DMD: variants seen among roughly 807,000 people sequenced by gnomAD.
The protein encoded by DMD is mutant dystrophin.
Under a neutral mutation model 330.1 loss-of-function variants are expected in DMD, and 63 were observed. The observed-to-expected ratio is 0.19, with a 90% CI of 0.16 to 0.24. The LOEUF (loss-of-function observed/expected upper bound fraction) is 0.24. Ranked by LOEUF, DMD falls within the 10% of genes least tolerant of loss-of-function variation. DMD has a pLI of 1.00. For synonymous variants in DMD, 1,223 were observed against 959.8 expected (o/e 1.27, Z -5.07); for missense variants, 3,344 against 2,684.1 (o/e 1.25, Z -5.43).
chrX:32,487,346 T>C (rs1485175241), intron 20 of DMD, among the ~76,000 whole-genome samples: 1 of 111,352 alleles, frequency 9.0e-6, no homozygotes, highest in Non-Finnish European at 1.9e-5. Flanking sequence ...TTCATATATA[T>C]GCTGTCTTTA....
chrX:32,484,380 G>T (rs1354600554), intron 21 of DMD, among the ~76,000 whole-genome samples: 1 of 111,920 alleles, frequency 8.9e-6, no homozygotes, highest in African/African-American at 3.2e-5. Context: ...TTGCATAATT[G>T]CTCCACTTTT....
intron 47 of DMD, among the ~76,000 whole-genome samples, chrX:31,923,099 A>G (rs1396627366): frequency 4.5e-5 from 5 of 111,731 alleles, no homozygotes; most frequent in African/African-American, 1.6e-4. Flanking sequence ...TGAAAGAGGG[A>G]GCTATTAAAA....
At chrX:32,837,779 A>G (rs1213966578) in intron 4 of DMD, among the ~76,000 whole-genome samples, 2 of 112,024 alleles carry the variant, frequency 1.8e-5, no homozygotes, top group Non-Finnish European at 3.8e-5. Flanking sequence ...GAAAGACACC[A>G]TGTGGATCTA....
intron 11 of DMD, among the ~76,000 whole-genome samples, chrX:32,628,122 A>C (rs1343542211): frequency 9.2e-6 from 1 of 108,698 alleles, no homozygotes; most frequent in African/African-American, 3.4e-5. Flanking sequence ...CGTGCTATCA[A>C]ATACTACATC....
rs139353878 is a variant in DMD at position 32,462,314 on chromosome X, A to G, written c.3432+1125T>C. On this transcript the variant is annotated intron_variant, in intron 25 of 78. Transcript: ENST00000357033. ...TCTCTCTTCTTCTCCCTCTCAAAAT[A>G]TCTTATTTTACTGTGCTCACCGATT... is the stretch of plus-strand genomic sequence containing the variant. Among the ~76,000 whole-genome samples, 51 of 111,816 alleles carry G rather than the reference A, an allele frequency of 4.6e-4. 1 individual carries two copies. In the East Asian group the frequency reaches 0.013, roughly 28 times the overall value.
At chrX:31,848,239 A>G (rs922151518) in intron 48 of DMD, among the ~76,000 whole-genome samples, 1 of 112,014 alleles carries the variant, frequency 8.9e-6, no homozygotes, top group African/African-American at 3.2e-5. Flanking sequence ...ATAGCCTTGT[A>G]ATAGCTCTGA....
At position 31,497,473 on chromosome X, in the gene DMD, T is replaced by C. The variant is rs754138338; in HGVS notation, c.8391-529A>G. Among the ~76,000 whole-genome samples the C allele has an allele frequency of 7.2e-5, 8 of 111,794 alleles. No homozygotes were observed. In the East Asian group the frequency reaches 2.2e-3, roughly 31 times the overall value. On this transcript the variant is annotated intron_variant, in intron 56 of 78. Transcript: ENST00000357033. ...CGTCTCCTTTCCCCCTACCCTTCTT[T>C]ATTTGTGTGCACCTGGGATTTGTCT... is the stretch of plus-strand genomic sequence containing the variant.
intron 44 of DMD, among the ~76,000 whole-genome samples, chrX:32,048,307 T>A (rs965115750): frequency 1.9e-5 from 2 of 106,334 alleles, no homozygotes; most frequent in Non-Finnish European, 3.9e-5. Context: ...ACTGTGTTTT[T>A]TTTTTTCATC....
intron 62 of DMD, among the ~76,000 whole-genome samples, chrX:31,272,874 GATCA>G (rs2051770292): frequency 8.9e-6 from 1 of 111,928 alleles, no homozygotes; most frequent in Admixed American, 9.5e-5. Flanking sequence ...CACATTTTCT[GATCA>G]ATCTAGAAAT....
chrX:32,980,669 A>G (rs1370408793), intron 2 of DMD, among the ~76,000 whole-genome samples: 1 of 111,041 alleles, frequency 9.0e-6, no homozygotes, highest in African/African-American at 3.3e-5. Context: ...CCGAATCATA[A>G]TATTTTTCAT....
intron 61 of DMD, among the ~76,000 whole-genome samples, chrX:31,340,233 G>C (rs1201265484): frequency 3.6e-5 from 4 of 112,391 alleles, no homozygotes; most frequent in African/African-American, 1.3e-4. Flanking sequence ...TAATGGATCA[G>C]TTATTTCTTT....
intron 57 of DMD, among the ~76,000 whole-genome samples, chrX:31,495,188 G>C (rs144713548): frequency 1.1e-5 from 1 of 92,698 alleles, no homozygotes; most frequent in Non-Finnish European, 2.1e-5. Flanking sequence ...CTTCTTTCAT[G>C]TTCTCTTCCC....
intron 9 of DMD, among the ~76,000 whole-genome samples, chrX:32,655,039 TTTC>T (rs1266821920): frequency 8.9e-6 from 1 of 111,876 alleles, no homozygotes; most frequent in Non-Finnish European, 1.9e-5. Flanking sequence ...TCTTCTCTCT[TTTC>T]TTATTAGTCT....
At chrX:33,148,099 C>T (rs919326599) in intron 1 of DMD, among the ~76,000 whole-genome samples, 1 of 112,020 alleles carries the variant, frequency 8.9e-6, no homozygotes, top group African/African-American at 3.2e-5. Context: ...GAAGAAGGAA[C>T]GCTGCTAATC....
chrX:33,250,700 AT>A (rs1256186871), intron 1 of DMD, among the ~76,000 whole-genome samples: 2 of 111,508 alleles, frequency 1.8e-5, no homozygotes, highest in African/African-American at 6.5e-5. Context: ...TTGCCTCCAA[AT>A]ATCAAATTTG....
At chrX:32,214,266 A>G (rs6628685) in intron 44 of DMD, among the ~76,000 whole-genome samples, 14,073 of 107,131 alleles carry the variant, frequency 0.13, 1,045 homozygotes, top group East Asian at 0.46. Context: ...ATATGCTACA[A>G]CGGTTTTCAA....
At chrX:32,508,553 G>C (rs1177470699) in intron 18 of DMD, among the ~76,000 whole-genome samples, 2 of 111,365 alleles carry the variant, frequency 1.8e-5, no homozygotes, top group Non-Finnish European at 3.8e-5. Flanking sequence ...AAAGTACTTC[G>C]ACCTTTCTGA....
intron 76 of DMD, among the ~76,000 whole-genome samples, chrX:31,144,368 C>T (rs2036440985): frequency 8.9e-6 from 1 of 112,043 alleles, no homozygotes; most frequent in Non-Finnish European, 1.9e-5. Context: ...GTACTCCCTA[C>T]CCCTCAGTGA....
intron 48 of DMD, among the ~76,000 whole-genome samples, chrX:31,856,887 G>T (rs2093620764): frequency 8.9e-6 from 1 of 112,225 alleles, no homozygotes; most frequent in Non-Finnish European, 1.9e-5. Flanking sequence ...TTTAAAGACA[G>T]AGATGCTATC....
Sources: allele counts gnomAD v4.1 joint callset (sites outside exome capture counted in the v4.1 genomes callset), GRCh38; gene constraint gnomAD v4.1.1; transcripts MANE v1.5; gene names NCBI Gene and HGNC (gene_info 2026-07-23, HGNC 2026-07-21).